Variants in RFTN1 observed in about 807,000 individuals in gnomAD.
RFTN1 encodes the protein raftlin, lipid raft linker 1, also known as raftlin.
In RFTN1, 26 loss-of-function variants were observed where a neutral mutation model predicts 46.5. The observed-to-expected ratio is 0.56, with a 90% CI of 0.41 to 0.78. The LOEUF (loss-of-function observed/expected upper bound fraction) is 0.78, where lower values mean the gene tolerates loss of function less well. Ranked by LOEUF, RFTN1 falls within the 30% of genes least tolerant of loss-of-function variation. The pLI is 0.00. For missense variants in RFTN1, 693 were observed against 718.7 expected, an observed-to-expected ratio of 0.96 and a Z score of 0.41; for synonymous variants, 261 against 284.2, an observed-to-expected ratio of 0.92 and a Z score of 0.82.
At position 16,458,044 on chromosome 3, in the gene RFTN1, C is replaced by T. The variant is rs1399592841; in HGVS notation, c.146-24007G>A. Among the ~76,000 whole-genome samples, 1 of 152,116 alleles carries T rather than the reference C, an allele frequency of 6.6e-6. No homozygotes were observed. Among genetic ancestry groups the T allele is most frequent in the Non-Finnish European group, 1.5e-5 (1 of 68,016 alleles). On this transcript the variant is annotated intron_variant, in intron 2 of 9. Transcript: ENST00000334133. This position sits in a 1 kb window ranked among gnomAD's most constrained non-coding sequence, Gnocchi z 5.1. ...GTGGAGATCAGCCCTCACCAGACAC[C>T]AAACCTGCCAGCAAGTTGATCTTGG...
At chr3:16,319,101 A>G (rs1001798091) in intron 9 of RFTN1, among the ~76,000 whole-genome samples, 1 of 152,174 alleles carries the variant, frequency 6.6e-6, no homozygotes, top group African/African-American at 2.4e-5. Flanking sequence ...CTGCCGTTGC[A>G]TTTTAATTCC....
In RFTN1 at chr3:16,451,851, T is replaced by A. The variant is rs2075827940; in HGVS notation, c.146-17814A>T. 6.6e-6 allele frequency among the ~76,000 whole-genome samples: 1 copy of A among 152,232 alleles called. No individual in the cohort carries two copies. The highest frequency in any genetic ancestry group is 6.5e-5 in the Admixed American group (1 of 15,282). Reference sequence around the variant, plus strand: ...TTAAAGGAAGCTCTTTACAGCTTCATTTTGGCATATCCGAATTGCCAGCAT... The same window carrying A: ...TTAAAGGAAGCTCTTTACAGCTTCAATTTGGCATATCCGAATTGCCAGCAT... On this transcript the variant is annotated intron_variant, in intron 2 of 9. Transcript: ENST00000334133. The surrounding 1 kb of genome is among the most constrained non-coding windows in gnomAD (Gnocchi z 4.2).
In RFTN1 at chr3:16,418,111, A is replaced by G. The variant is rs1266713943; in HGVS notation, c.333-8628T>C. Among the ~76,000 whole-genome samples the G allele has an allele frequency of 2.0e-5, 3 of 152,216 alleles. No homozygotes were observed. The highest frequency in any genetic ancestry group is 7.2e-5 in the African/African-American group (3 of 41,444). ...CATTGTTGTAACAAGTACTGCTAACACTTATGAGTGCTTTCAATATTGGTA... is the reference window on the plus strand; with the variant it reads ...CATTGTTGTAACAAGTACTGCTAACGCTTATGAGTGCTTTCAATATTGGTA... On this transcript the variant is annotated intron_variant, in intron 3 of 9. Transcript: ENST00000334133. This position sits in a 1 kb window ranked among gnomAD's most constrained non-coding sequence, Gnocchi z 5.0.
chr3:16,433,773 A>C lies in RFTN1; in HGVS notation c.332+78T>G. ...CATGCAAATTTCAACCCCCAACCCC[A>C]TCCTCTCACTTCCCCTCCTCTATTG... On this transcript the variant is annotated intron_variant, in intron 3 of 9. Coordinates refer to ENST00000334133, the MANE Select transcript of RFTN1 (RefSeq NM_015150.2). This position sits in a 1 kb window ranked among gnomAD's most constrained non-coding sequence, Gnocchi z 4.4. The C allele has an allele frequency of 7.5e-6, 11 of 1,458,156 alleles. No homozygotes were observed. Among genetic ancestry groups the C allele is most frequent in the Non-Finnish European group, 1.1e-5 (11 of 1,040,322 alleles). The allele number at this position is 1,458,156 out of a possible 1,614,324, so 90.3% of individuals were successfully genotyped here. A position where few individuals can be genotyped will look rare whatever the true frequency, so the allele number is the denominator to read the frequency against.
intron 7 of RFTN1, among the ~76,000 whole-genome samples, chr3:16,354,805 A>G (rs889432945): frequency 3.3e-5 from 5 of 152,194 alleles, no homozygotes; most frequent in Non-Finnish European, 5.9e-5. Context: ...TTTACTATCA[A>G]CAGCCAAGAA....
rs190366163 is a variant in RFTN1 at position 16,433,259 on chromosome 3, A to C, written c.332+592T>G. On this transcript the variant is annotated intron_variant, in intron 3 of 9. Coordinates refer to ENST00000334133, the MANE Select transcript of RFTN1 (RefSeq NM_015150.2). This position sits in a 1 kb window ranked among gnomAD's most constrained non-coding sequence, Gnocchi z 4.4. ...TCTTAATTAGGCTCAACTGAAATAT[A>C]GGCATAAGCATTCAACTGGGCAAGC... is the stretch of plus-strand genomic sequence containing the variant. 8.5e-5 allele frequency among the ~76,000 whole-genome samples: 13 copies of C among 152,224 alleles called. No homozygotes were observed. Among genetic ancestry groups the C allele is most frequent in the Non-Finnish European group, 1.6e-4 (11 of 68,018 alleles).
intron 6 of RFTN1, among the ~76,000 whole-genome samples, chr3:16,365,032 A>G (rs376042477): frequency 6.6e-6 from 1 of 152,254 alleles, no homozygotes; most frequent in East Asian, 1.9e-4. Context: ...AACTGCAATA[A>G]AAGTTTTTTT....
At position 16,451,562 on chromosome 3, in the gene RFTN1, T is replaced by C. The variant is rs2124907214; in HGVS notation, c.146-17525A>G. ...GGTCCCCTCTTCTCCACAGGGGATATGCCTGAAACCACAGATAGTAAAGAA... is the reference window on the plus strand; with the variant it reads ...GGTCCCCTCTTCTCCACAGGGGATACGCCTGAAACCACAGATAGTAAAGAA... On this transcript the variant is annotated intron_variant, in intron 2 of 9. Transcript: ENST00000334133. This position sits in a 1 kb window ranked among gnomAD's most constrained non-coding sequence, Gnocchi z 4.2. Among the ~76,000 whole-genome samples, 1 of 152,346 alleles carries C rather than the reference T, an allele frequency of 6.6e-6. No homozygotes were observed. Among genetic ancestry groups the C allele is most frequent in the Admixed American group, 6.5e-5 (1 of 15,302 alleles).
Position 16,323,410 on chromosome 3 carries a change from CA to C in RFTN1, c.1297del (p.Cys433ValfsTer27). 1 of 1,612,350 alleles carries C rather than the reference CA, an allele frequency of 6.2e-7. No homozygotes were observed. Among genetic ancestry groups the C allele is most frequent in the Non-Finnish European group, 8.5e-7 (1 of 1,178,462 alleles). On this transcript the variant is annotated frameshift_variant, in exon 9 of 10. Transcript: ENST00000334133. LOFTEE classifies it low-confidence loss of function (END_TRUNC). ...TKQIVFLQRPCLPQKIKKKES... is the reference protein window; with the variant it reads ...TKQIVFLQRPXLPQKIKKKES... Reference sequence around the variant, plus strand: ...CTTCTTCTTGATTTTCTGAGGTAGACAAGGTCTCTGAAGAAAGACAATCTGC... The same window carrying C: ...CTTCTTCTTGATTTTCTGAGGTAGACAGGTCTCTGAAGAAAGACAATCTGC...
rs1553595285 is a variant in RFTN1 at position 16,433,185 on chromosome 3, TAAA to T, written c.332+663_332+665del. On this transcript the variant is annotated intron_variant, in intron 3 of 9. Transcript: ENST00000334133. The surrounding 1 kb of genome is among the most constrained non-coding windows in gnomAD (Gnocchi z 4.4). ...TCCCATCCTCACTGTTTTTTTTTTT[TAAA>T]AAAATTAATATTGTTCCTTTTGAAA... is the stretch of plus-strand genomic sequence containing the variant. 8.3e-4 allele frequency among the ~76,000 whole-genome samples: 125 copies of T among 150,246 alleles called. No homozygotes were observed. The highest frequency in any genetic ancestry group is 2.9e-3 in the African/African-American group (120 of 40,912).
rs57242614 is a variant in RFTN1, at chr3:16,443,750, A to AACACAC, written c.146-9719_146-9714dup. On this transcript the variant is annotated intron_variant, in intron 2 of 9. Transcript: ENST00000334133. This position sits in a 1 kb window ranked among gnomAD's most constrained non-coding sequence, Gnocchi z 5.5. ...CACACATAGTCAATGAATTACACAC[A>AACACAC]ACACACACACACACACACACACACA... Among the ~76,000 whole-genome samples the AACACAC allele has an allele frequency of 0.032, 4,689 of 145,986 alleles. 100 individuals are homozygous for AACACAC. Among genetic ancestry groups the AACACAC allele is most frequent in the Middle Eastern group, 0.062 (18 of 292 alleles).
intron 5 of RFTN1, among the ~76,000 whole-genome samples, chr3:16,373,623 G>A (rs2073616602): frequency 6.6e-6 from 1 of 152,352 alleles, no homozygotes; most frequent in East Asian, 1.9e-4. Flanking sequence ...GGGCCCTGCT[G>A]TCCCAGGAGA....
intron 8 of RFTN1, among the ~76,000 whole-genome samples, chr3:16,324,633 G>T: frequency 2.8e-5 from 3 of 108,720 alleles, no homozygotes; most frequent in African/African-American, 7.2e-5. Flanking sequence ...TTTTAAGGTT[G>T]CATAGTATTC....
intron 2 of RFTN1, among the ~76,000 whole-genome samples, chr3:16,492,144 C>A (rs2076547493): frequency 6.6e-6 from 1 of 152,190 alleles, no homozygotes; most frequent in Non-Finnish European, 1.5e-5. Context: ...ACTGACCCAT[C>A]AAGGGCACCG....
In RFTN1 at chr3:16,440,689, G is replaced by T. The variant is rs562594234; in HGVS notation, c.146-6652C>A. On this transcript the variant is annotated intron_variant, in intron 2 of 9. Coordinates refer to ENST00000334133, the MANE Select transcript of RFTN1 (RefSeq NM_015150.2). This position sits in a 1 kb window ranked among gnomAD's most constrained non-coding sequence, Gnocchi z 4.6. Reference sequence around the variant, plus strand: ...GGGGACAAGATGGTTACTGCTAATGGGGGGGGGGCCCAATGGTGCCAGAAC... The same window carrying T: ...GGGGACAAGATGGTTACTGCTAATGTGGGGGGGGCCCAATGGTGCCAGAAC... Among the ~76,000 whole-genome samples the T allele has an allele frequency of 6.7e-6, 1 of 150,282 alleles. No homozygotes were observed. Among genetic ancestry groups the T allele is most frequent in the African/African-American group, 2.5e-5 (1 of 40,768 alleles).
At chr3:16,391,530 GA>G (rs1229260695) in intron 4 of RFTN1, among the ~76,000 whole-genome samples, 1 of 152,072 alleles carries the variant, frequency 6.6e-6, no homozygotes, top group African/African-American at 2.4e-5. Context: ...ACCTTAAAAG[GA>G]AAACAAACTT....
At position 16,499,906 on chromosome 3, in the gene RFTN1, T is replaced by C. The variant is rs1375506443; in HGVS notation, c.-8-6029A>G. ...GGTAAATACCTAAGAGTGGGGTTGT[T>C]GGGTTATATGATAAGTGCAGGAGCC... On this transcript the variant is annotated intron_variant, in intron 1 of 9. Transcript: ENST00000334133. The surrounding 1 kb of genome is among the most constrained non-coding windows in gnomAD (Gnocchi z 4.9). Among the ~76,000 whole-genome samples, 1 of 152,154 alleles carries C rather than the reference T, an allele frequency of 6.6e-6. No individual in the cohort carries two copies. The highest frequency in any genetic ancestry group is 1.5e-5 in the Non-Finnish European group (1 of 68,014).
At chr3:16,454,161 T>C (rs532423397) in intron 2 of RFTN1, among the ~76,000 whole-genome samples, 4 of 152,338 alleles carry the variant, frequency 2.6e-5, no homozygotes, top group Non-Finnish European at 4.4e-5. Context: ...GTCATTTCCA[T>C]AGATTTTAAT....
Position 16,375,517 on chromosome 3 carries a change from G to A in RFTN1, c.826+2201C>T, listed in dbSNP as rs150973884. On this transcript the variant is annotated intron_variant, in intron 5 of 9. Transcript: ENST00000334133. ...GGGCACTTGGAGGGTGACTGCCATC[G>A]TGACCACTGAAAGGCTTATATGTGA... 9.8e-4 allele frequency among the ~76,000 whole-genome samples: 149 copies of A among 152,126 alleles called. 2 individuals are homozygous for A. In the East Asian group the frequency reaches 0.02, roughly 20 times the overall value.
Sources: gnomAD v4.1 joint callset for allele counts (sites outside exome capture counted in the v4.1 genomes callset) on GRCh38, gnomAD v4.1.1 for gene constraint, Gnocchi (gnomAD v3.1) non-coding constraint, MANE v1.5 for transcripts, NCBI Gene and HGNC (gene_info 2026-07-23, HGNC 2026-07-21) for gene names.